FGF14: variants seen among roughly 807,000 people sequenced by gnomAD.
FGF14 encodes the protein fibroblast growth factor 14.
In FGF14, 5 loss-of-function variants were observed where a neutral mutation model predicts 25.5. That is an observed-to-expected ratio of 0.20 (90% CI 0.10 to 0.41). The LOEUF is 0.41. Among genes scored for constraint, FGF14 ranks in the 10% least tolerant of loss-of-function variants. The probability of loss-of-function intolerance (pLI) is 1.00; values close to 1 mark genes in which losing one functional copy is unlikely to be tolerated. For missense variants in FGF14, 222 were observed against 320.1 expected, an observed-to-expected ratio of 0.69 and a Z score of 2.34; for synonymous variants, 138 against 118.3, an observed-to-expected ratio of 1.17 and a Z score of -1.08.
chr13:101,771,538 T>C (rs1400515534), intron 3 of FGF14, among the ~76,000 whole-genome samples: 1 of 152,076 alleles, frequency 6.6e-6, no homozygotes, highest in Non-Finnish European at 1.5e-5. Flanking sequence ...ATTGACAGCT[T>C]CAATAAAATT....
At chr13:102,335,739 CTG>C (rs1450153657) in intron 1 of FGF14, among the ~76,000 whole-genome samples, 3 of 152,156 alleles carry the variant, frequency 2.0e-5, no homozygotes, top group African/African-American at 4.8e-5. Context: ...TTTGTGGACT[CTG>C]TGTTGCACCA....
intron 1 of FGF14, among the ~76,000 whole-genome samples, chr13:101,931,687 G>A (rs2034759690): frequency 6.6e-6 from 1 of 152,090 alleles, no homozygotes; most frequent in African/African-American, 2.4e-5. Context: ...GTTTCCTCCG[G>A]GTGAGCCGGA....
intron 1 of FGF14, among the ~76,000 whole-genome samples, chr13:102,206,257 T>C (rs2049918748): frequency 6.6e-6 from 1 of 152,016 alleles, no homozygotes; most frequent in Non-Finnish European, 1.5e-5. Flanking sequence ...GTGAATTCTG[T>C]GAAGCTCCCA....
rs1031333884 is a variant in FGF14 at position 102,154,565 on chromosome 13, C to A, written c.208+246906G>T. Among the ~76,000 whole-genome samples the A allele has an allele frequency of 1.8e-4, 27 of 152,112 alleles. 1 individual carries two copies. Among genetic ancestry groups the A allele is most frequent in the Admixed American group, 1.6e-3 (24 of 15,268 alleles). On this transcript the variant is annotated intron_variant, in intron 1 of 4. Coordinates refer to the FGF14 transcript ENST00000376131. The stretch of plus-strand genomic sequence containing the variant: ...CGGTACCAGCCACTGCAAAAACATG[C>A]CAAATTGTAAAGATCATCGAGGCTA...
At chr13:102,326,972 G>A (rs1282830983) in intron 1 of FGF14, among the ~76,000 whole-genome samples, 1 of 152,156 alleles carries the variant, frequency 6.6e-6, no homozygotes, top group Non-Finnish European at 1.5e-5. Flanking sequence ...TTCAGCTCAT[G>A]TGTTAAACCA....
rs957599137 is a variant in FGF14, at chr13:102,400,444, C to T, written c.208+1027G>A. On this transcript the variant is annotated intron_variant, in intron 1 of 4. Coordinates refer to the FGF14 transcript ENST00000376131. This position sits in a 1 kb window ranked among gnomAD's most constrained non-coding sequence, Gnocchi z 4.3. Reference sequence around the variant, plus strand: ...TCCCGGCTGCCAGCGTGAGCGGTTCCGGGAAAGGCTGCGCCCAGCCTCCTC... The same window carrying T: ...TCCCGGCTGCCAGCGTGAGCGGTTCTGGGAAAGGCTGCGCCCAGCCTCCTC... Among the ~76,000 whole-genome samples the T allele has an allele frequency of 1.3e-5, 2 of 152,138 alleles. No individual in the cohort carries two copies. The highest frequency in any genetic ancestry group is 4.8e-5 in the African/African-American group (2 of 41,426).
Position 101,968,542 on chromosome 13 carries a change from A to G in FGF14, c.209-93246T>C, listed in dbSNP as rs745723817. Among the ~76,000 whole-genome samples the G allele has an allele frequency of 1.4e-3, 208 of 152,034 alleles. 1 individual carries two copies. The highest frequency in any genetic ancestry group is 2.5e-3 in the South Asian group (12 of 4,796). On this transcript the variant is annotated intron_variant, in intron 1 of 4. Coordinates refer to the FGF14 transcript ENST00000376131. Reference sequence around the variant, plus strand: ...CAAAAAATTAGCCAGGCGTGGTGGCAGGCGCCTGCAGTCCCAGCTACTCGG... The same window carrying G: ...CAAAAAATTAGCCAGGCGTGGTGGCGGGCGCCTGCAGTCCCAGCTACTCGG...
At chr13:101,871,707 C>A (rs1475604671) in intron 2 of FGF14, among the ~76,000 whole-genome samples, 1 of 151,956 alleles carries the variant, frequency 6.6e-6, no homozygotes, top group Non-Finnish European at 1.5e-5. Context: ...AGAAAACTCA[C>A]CCACTAATAA....
At chr13:102,136,661 G>GAAAA (rs1350887640) in intron 1 of FGF14, among the ~76,000 whole-genome samples, 1 of 142,860 alleles carries the variant, frequency 7.0e-6, no homozygotes, top group African/African-American at 2.6e-5. Flanking sequence ...AATTCTATGG[G>GAAAA]AAAAAAAAAA....
At chr13:102,351,125 T>C (rs574256362) in intron 1 of FGF14, among the ~76,000 whole-genome samples, 1 of 152,268 alleles carries the variant, frequency 6.6e-6, no homozygotes, top group Non-Finnish European at 1.5e-5. Context: ...CTTCTAACTC[T>C]TGCCTCAGGA....
intron 1 of FGF14, among the ~76,000 whole-genome samples, chr13:102,031,093 G>A (rs903678332): frequency 2.0e-5 from 3 of 151,960 alleles, no homozygotes; most frequent in African/African-American, 7.2e-5. Flanking sequence ...AAATGTCCAT[G>A]TTTTACATTT....
chr13:102,062,796 T>C lies in FGF14; in HGVS notation c.209-187500A>G, dbSNP rs554991563. 7.9e-5 allele frequency among the ~76,000 whole-genome samples: 12 copies of C among 152,256 alleles called. No individual in the cohort carries two copies. In the South Asian group the frequency reaches 2.5e-3, roughly 32 times the overall value. Reference sequence around the variant, plus strand: ...AGACCATTATGGAATATACTCTCAATGATAAGAAAAAATGTGTTCAGCAAT... The same window carrying C: ...AGACCATTATGGAATATACTCTCAACGATAAGAAAAAATGTGTTCAGCAAT... On this transcript the variant is annotated intron_variant, in intron 1 of 4. Coordinates refer to the FGF14 transcript ENST00000376131.
intron 1 of FGF14, among the ~76,000 whole-genome samples, chr13:101,942,261 G>A (rs1285602386): frequency 6.6e-6 from 1 of 152,086 alleles, no homozygotes; most frequent in Non-Finnish European, 1.5e-5. Flanking sequence ...TATCACCATC[G>A]AGTAACTAGA....
chr13:102,244,023 GA>G (rs2141039307), intron 1 of FGF14, among the ~76,000 whole-genome samples: 1 of 152,018 alleles, frequency 6.6e-6, no homozygotes, highest in East Asian at 1.9e-4. Context: ...TCCTAATGTA[GA>G]AGCCCCTCAT....
At chr13:101,821,237 T>C (rs540122822) in intron 3 of FGF14, among the ~76,000 whole-genome samples, 106 of 152,306 alleles carry the variant, frequency 7.0e-4, no homozygotes, top group Non-Finnish European at 1.3e-3. Context: ...CGTGAGCCAC[T>C]GCGCCCGGCC....
chr13:102,245,188 T>C (rs1473327381), intron 1 of FGF14, among the ~76,000 whole-genome samples: 1 of 152,062 alleles, frequency 6.6e-6, no homozygotes, highest in Non-Finnish European at 1.5e-5. Flanking sequence ...GTCATATCTA[T>C]ACAAAGACAA....
At chr13:102,192,296 G>A (rs1027275067) in intron 1 of FGF14, among the ~76,000 whole-genome samples, 5 of 152,124 alleles carry the variant, frequency 3.3e-5, no homozygotes, top group Non-Finnish European at 7.4e-5. Flanking sequence ...ATTTGTTTCT[G>A]ACCCCTTAGT....
intron 3 of FGF14, among the ~76,000 whole-genome samples, chr13:101,833,864 G>A (rs143389199): frequency 1.6e-4 from 24 of 152,152 alleles, no homozygotes; most frequent in East Asian, 9.7e-4. Context: ...CTAAACTTAC[G>A]TTGAATGCTG....
chr13:102,105,639 T>C (rs1444349969), intron 1 of FGF14, among the ~76,000 whole-genome samples: 2 of 152,214 alleles, frequency 1.3e-5, no homozygotes, highest in Admixed American at 6.5e-5. Flanking sequence ...AAGTGGGACA[T>C]GAAAACTGTT....
Sources: gnomAD v4.1 joint callset for allele counts (sites outside exome capture counted in the v4.1 genomes callset) on GRCh38, gnomAD v4.1.1 for gene constraint, Gnocchi (gnomAD v3.1) non-coding constraint, MANE v1.5 for transcripts, NCBI Gene and HGNC (gene_info 2026-07-23, HGNC 2026-07-21) for gene names.